Variants in THOC5 observed in about 807,000 individuals in gnomAD.
THOC5 encodes THO complex subunit 5, also known as Fms-interacting protein.
A neutral mutation model predicts 92.9 loss-of-function variants in THOC5; 43 were observed. That is an observed-to-expected ratio of 0.46 (90% confidence interval 0.36 to 0.60). THOC5 has a LOEUF of 0.60. Among genes scored for constraint, THOC5 ranks in the 20% least tolerant of loss-of-function variants. The pLI, the probability that THOC5 is intolerant of heterozygous loss-of-function variation, is 0.00. For missense variants in THOC5, 659 were observed against 849.4 expected, an observed-to-expected ratio of 0.78 and a Z score of 2.79; for synonymous variants, 296 against 320.1, an observed-to-expected ratio of 0.92 and a Z score of 0.80.
At chr22:29,527,652 T>C (rs2063570122) in intron 11 of THOC5, among the ~76,000 whole-genome samples, 1 of 152,180 alleles carries the variant, frequency 6.6e-6, no homozygotes, top group South Asian at 2.1e-4. Context: ...AAACTTAAAT[T>C]TTACTGTTAG....
intron 2 of THOC5, among the ~76,000 whole-genome samples, chr22:29,548,756 A>T (rs747346876): frequency 5.9e-5 from 9 of 152,132 alleles, no homozygotes; most frequent in Non-Finnish European, 1.3e-4. Context: ...CTGCAGATGG[A>T]CTACCTTCTT....
chr22:29,522,772 G>A lies in THOC5; in HGVS notation c.1176-1673C>T, dbSNP rs543640643. On this transcript the variant is annotated intron_variant, in intron 12 of 19. Coordinates refer to ENST00000490103, the MANE Select transcript of THOC5 (RefSeq NM_003678.5). ...AATCCCAGCACTTTGGGAGGCCGAG[G>A]CGGGCAGATCATGAGGTCAAGAGAT... Among the ~76,000 whole-genome samples the A allele has an allele frequency of 3.3e-5, 5 of 152,120 alleles. No individual in the cohort carries two copies. In the South Asian group the frequency reaches 8.3e-4, roughly 25 times the overall value.
chr22:29,543,026 T>G, intron 4 of THOC5, 70 bp from the exon 5 acceptor site: 5 of 1,103,398 alleles, frequency 4.5e-6, no homozygotes, highest in Non-Finnish European at 6.7e-6. Context: ...GTCAGCAAAC[T>G]AAGAGAAGGT....
At position 29,531,950 on chromosome 22, in the gene THOC5, A is replaced by T; in HGVS notation, c.728T>A (p.Val243Glu). The T allele has an allele frequency of 6.2e-7, 1 of 1,614,138 alleles. No homozygotes were observed. Among genetic ancestry groups the T allele is most frequent in the Non-Finnish European group, 8.5e-7 (1 of 1,180,018 alleles). Residue 243 changes from valine to glutamate, a missense_variant, in exon 8 of 20, where the codon GTG becomes GAG. Transcript: ENST00000490103. ...GAATGGCATAAACAGGTACTCCTGC[A>T]CCGGAAGGGAAGCCTGCACACAAGA... is the stretch of plus-strand genomic sequence containing the variant. ...LNSIMQASLP[V>E]QEYLFMPFDQ...
intron 5 of THOC5, among the ~76,000 whole-genome samples, chr22:29,541,062 C>T (rs543180034): frequency 2.0e-5 from 3 of 151,920 alleles, no homozygotes; most frequent in South Asian, 4.2e-4. Context: ...ACTAAAAATA[C>T]GAAAATTAGC....
chr22:29,518,325 G>A (rs961716091), intron 15 of THOC5, among the ~76,000 whole-genome samples: 1 of 152,144 alleles, frequency 6.6e-6, no homozygotes, highest in Middle Eastern at 3.2e-3. Flanking sequence ...GAGCCACTGC[G>A]CCTGTCCCAG....
chr22:29,532,094 A>G, intron 7 of THOC5, 131 bp from the exon 8 acceptor site: 1 of 1,097,172 alleles, frequency 9.1e-7, no homozygotes, highest in Non-Finnish European at 1.3e-6. Context: ...TAATAGGTGG[A>G]TAAAAGCTCA....
intron 14 of THOC5, 120 bp from the exon 15 acceptor site, chr22:29,519,240 A>G: frequency 1.7e-6 from 1 of 591,546 alleles, no homozygotes; most frequent in East Asian, 3.0e-5. Flanking sequence ...CAAGATGGGT[A>G]CCCTTTAGAC....
At chr22:29,520,915 C>T (rs2063428594) in intron 13 of THOC5, 83 bp downstream of exon 13, 10 of 1,064,492 alleles carry the variant, frequency 9.4e-6, no homozygotes, top group Middle Eastern at 2.0e-4. Context: ...ACCTCTGGCC[C>T]TAACAGGTCT....
intron 7 of THOC5, among the ~76,000 whole-genome samples, chr22:29,533,954 A>G (rs2063704261): frequency 6.6e-6 from 1 of 152,232 alleles, no homozygotes; most frequent in Non-Finnish European, 1.5e-5. Flanking sequence ...ATATATGTAT[A>G]ACATACTGTA....
Position 29,507,728 on chromosome 22 carries a change from G to T in THOC5, c.*729C>A, listed in dbSNP as rs1034893412. ...TGTATTGTAAGAATACAGTGTATAA[G>T]ATACAAAATATATACTGAAAATATG... On this transcript the variant is annotated 3_prime_UTR_variant, in exon 20 of 20. Coordinates refer to ENST00000490103, the MANE Select transcript of THOC5 (RefSeq NM_003678.5). The T allele has an allele frequency of 6.6e-6, 1 of 152,212 alleles. No individual in the cohort carries two copies. Among genetic ancestry groups the T allele is most frequent in the African/African-American group, 2.4e-5 (1 of 41,426 alleles). 9.4% of individuals were successfully genotyped at this position (152,212 alleles called of 1,614,324 possible). A position where few individuals can be genotyped will look rare whatever the true frequency, so the allele number is the denominator to read the frequency against.
chr22:29,544,660 A>G, intron 2 of THOC5, 57 bp from the exon 3 acceptor site: 1 of 1,453,782 alleles, frequency 6.9e-7, no homozygotes, highest in Non-Finnish European at 9.1e-7. Flanking sequence ...CCCTGCTGGG[A>G]TCAGGGACAC....
chr22:29,527,461 C>G (rs1217047667), intron 11 of THOC5, among the ~76,000 whole-genome samples: 1 of 152,062 alleles, frequency 6.6e-6, no homozygotes, highest in Non-Finnish European at 1.5e-5. Context: ...AAAAGAAAAC[C>G]AGTGCGTAGA....
At chr22:29,538,231 C>T (rs1157983256) in intron 6 of THOC5, among the ~76,000 whole-genome samples, 1 of 152,170 alleles carries the variant, frequency 6.6e-6, no homozygotes, top group Non-Finnish European at 1.5e-5. Flanking sequence ...ATCCGCCTGC[C>T]TTGGCCTCCC....
chr22:29,526,794 C>T (rs1010148500), intron 11 of THOC5, among the ~76,000 whole-genome samples: 1 of 152,140 alleles, frequency 6.6e-6, no homozygotes, highest in Admixed American at 6.5e-5. Flanking sequence ...CTATGCTATT[C>T]TCTCCCCCAA....
In THOC5 at chr22:29,528,005, G is replaced by C. The variant is rs886986252; in HGVS notation, c.1066+73C>G. ...TGGGCAAATGGGTGTTTGGCTCCCG[G>C]ACCCTCTGCACCTGCAGCTGGGTGA... On this transcript the variant is annotated intron_variant, in intron 11 of 19. Coordinates refer to ENST00000490103, the MANE Select transcript of THOC5 (RefSeq NM_003678.5). 24 of 1,458,378 alleles carry C rather than the reference G, an allele frequency of 1.6e-5. No individual in the cohort carries two copies. In the African/African-American group the frequency reaches 3.3e-4, roughly 20 times the overall value. The allele number at this position is 1,458,378 out of a possible 1,614,324, so 90.3% of individuals were successfully genotyped here. A position where few individuals can be genotyped will look rare whatever the true frequency, so the allele number is the denominator to read the frequency against.
chr22:29,524,243 T>TA (rs139225444), intron 12 of THOC5, among the ~76,000 whole-genome samples: 103 of 152,318 alleles, frequency 6.8e-4, no homozygotes, highest in African/African-American at 2.4e-3. Flanking sequence ...GGCTACCCCT[T>TA]AACTGTCCAG....
intron 12 of THOC5, among the ~76,000 whole-genome samples, chr22:29,525,070 C>T (rs1184192640): frequency 6.6e-6 from 1 of 152,004 alleles, no homozygotes; most frequent in Non-Finnish European, 1.5e-5. Context: ...GCCAGGAGTT[C>T]AAGACCACCC....
chr22:29,514,818 G>A (rs1292877811), intron 17 of THOC5, among the ~76,000 whole-genome samples: 1 of 150,146 alleles, frequency 6.7e-6, no homozygotes. Flanking sequence ...CAATTCTCCT[G>A]CCTCAGACTC....
Sources: allele counts gnomAD v4.1 joint callset (sites outside exome capture counted in the v4.1 genomes callset), GRCh38; gene constraint gnomAD v4.1.1; transcripts MANE v1.5; gene names NCBI Gene and HGNC (gene_info 2026-07-23, HGNC 2026-07-21).